The following PDE8B variants were observed in gnomAD, a reference collection of about 807,000 sequenced individuals.
The protein encoded by PDE8B is high affinity cAMP-specific and IBMX-insensitive 3',5'-cyclic phosphodiesterase 8B.
In PDE8B, 26 loss-of-function variants were observed where a neutral mutation model predicts 101.3. The observed-to-expected ratio is 0.26, with a 90% CI of 0.19 to 0.36. The LOEUF (loss-of-function observed/expected upper bound fraction) is 0.36. Among genes scored for constraint, PDE8B ranks in the 10% least tolerant of loss-of-function variants. The pLI is 1.00. For synonymous variants in PDE8B, 424 were observed against 429.3 expected, an observed-to-expected ratio of 0.99 and a Z score of 0.15; for missense variants, 810 against 1,163.1, an observed-to-expected ratio of 0.70 and a Z score of 4.42.
intron 1 of PDE8B, among the ~76,000 whole-genome samples, chr5:77,302,009 T>C (rs1186739568): frequency 2.6e-5 from 4 of 152,228 alleles, no homozygotes; most frequent in Non-Finnish European, 4.4e-5. Flanking sequence ...ACCATTTTTT[T>C]CTTTCCATTT....
the PDE8B span, among the ~76,000 whole-genome samples, chr5:77,176,132 T>C: frequency 6.6e-6 from 1 of 152,144 alleles, no homozygotes; most frequent in African/African-American, 2.4e-5. Context: ...CGGAAGCAGG[T>C]AGATTCCACT....
intron 10 of PDE8B, among the ~76,000 whole-genome samples, chr5:77,362,895 C>T (rs868858813): frequency 3.3e-5 from 5 of 152,198 alleles, no homozygotes; most frequent in South Asian, 2.1e-4. Flanking sequence ...TCCTCCTCCC[C>T]GCTGTGGAGT....
chr5:77,348,684 CGTTT>C (rs1018201318), intron 7 of PDE8B, among the ~76,000 whole-genome samples: 1 of 152,056 alleles, frequency 6.6e-6, no homozygotes, highest in African/African-American at 2.4e-5. Context: ...CTTATTTGTT[CGTTT>C]GTTTGTTTAT....
chr5:77,229,936 A>C (rs1753202402), intron 1 of PDE8B, among the ~76,000 whole-genome samples: 1 of 152,106 alleles, frequency 6.6e-6, no homozygotes, highest in Admixed American at 6.5e-5. Flanking sequence ...ATGTGGTTTT[A>C]TTTCTATTGG....
At chr5:77,176,372 C>G in the PDE8B span, among the ~76,000 whole-genome samples, 2 of 152,066 alleles carry the variant, frequency 1.3e-5, no homozygotes, top group African/African-American at 4.8e-5. Context: ...TTTAGAGGCA[C>G]AAAGAGTTAC....
intron 1 of PDE8B, among the ~76,000 whole-genome samples, chr5:77,265,460 C>T (rs1761504037): frequency 1.3e-5 from 2 of 152,068 alleles, no homozygotes; most frequent in Admixed American, 1.3e-4. Flanking sequence ...GTGCTCTTTC[C>T]AATGTTTGTT....
rs71594634 is a variant in PDE8B at position 77,423,632 on chromosome 5, G to GTTTTTTTTTTTTTTTTTTTTTTTTTTTT, written c.2418+1671_2418+1672insTTTTTTTTTTTTTTTTTTTTTTTTTTTT. 4.9e-4 allele frequency among the ~76,000 whole-genome samples: 36 copies of GTTTTTTTTTTTTTTTTTTTTTTTTTTTT among 74,048 alleles called. 3 individuals are homozygous for GTTTTTTTTTTTTTTTTTTTTTTTTTTTT. The highest frequency in any genetic ancestry group is 8.1e-4 in the Non-Finnish European group (31 of 38,410). The allele number at this position is 74,048 out of a possible 152,430, so 48.6% of individuals were successfully genotyped here. ...TGATGCTGGACTTTTGTTTTGTTTA[G>GTTTTTTTTTTTTTTTTTTTTTTTTTTTT]TTTTTTTTTTTTTTTTTTTTTTTTT... On this transcript the variant is annotated intron_variant, in intron 20 of 21. Transcript: ENST00000264917.
At chr5:77,109,676 A>G in the PDE8B span, among the ~76,000 whole-genome samples, 1 of 152,330 alleles carries the variant, frequency 6.6e-6, no homozygotes, top group East Asian at 1.9e-4. Context: ...GTACAACACC[A>G]GAGGTGAGAG....
chr5:77,401,008 T>C (rs1792153108), intron 11 of PDE8B, among the ~76,000 whole-genome samples: 1 of 152,212 alleles, frequency 6.6e-6, no homozygotes. Context: ...TAGTCTCTCT[T>C]CTTGGTGAGG....
At chr5:77,245,001 C>G (rs1044808100) in intron 1 of PDE8B, among the ~76,000 whole-genome samples, 1 of 152,148 alleles carries the variant, frequency 6.6e-6, no homozygotes, top group African/African-American at 2.4e-5. Flanking sequence ...GCCACAGATT[C>G]CAGTGAATGT....
intron 10 of PDE8B, among the ~76,000 whole-genome samples, chr5:77,387,434 G>A (rs1237672972): frequency 2.6e-5 from 4 of 152,266 alleles, no homozygotes; most frequent in East Asian, 1.9e-4. Flanking sequence ...AGAGATATCT[G>A]CCGTTACTCT....
chr5:77,267,432 T>A (rs187225773), intron 1 of PDE8B, among the ~76,000 whole-genome samples: 11 of 143,404 alleles, frequency 7.7e-5, no homozygotes, highest in Admixed American at 5.6e-4. Flanking sequence ...AGAGCGAGAC[T>A]CCATCTCAAA....
chr5:77,408,574 A>G (rs1212529892), intron 13 of PDE8B, among the ~76,000 whole-genome samples: 2 of 152,118 alleles, frequency 1.3e-5, no homozygotes, highest in African/African-American at 2.4e-5. Flanking sequence ...TGGAGACAAA[A>G]TATCATTTCT....
intron 1 of PDE8B, among the ~76,000 whole-genome samples, chr5:77,253,604 A>G (rs899088380): frequency 3.3e-5 from 5 of 152,334 alleles, no homozygotes; most frequent in Middle Eastern, 3.4e-3. Flanking sequence ...CTTATAGTGA[A>G]CATAATTCTC....
chr5:77,199,566 A>G, the PDE8B span, among the ~76,000 whole-genome samples: 5 of 152,200 alleles, frequency 3.3e-5, no homozygotes, highest in Non-Finnish European at 5.9e-5. Flanking sequence ...CTTGTCTTTT[A>G]GATCTCCATG....
intron 1 of PDE8B, among the ~76,000 whole-genome samples, chr5:77,218,515 C>T (rs967782815): frequency 6.6e-6 from 1 of 152,182 alleles, no homozygotes. Flanking sequence ...GCCTGAAGCC[C>T]TAAGTGTGGC....
intron 1 of PDE8B, among the ~76,000 whole-genome samples, chr5:77,228,879 G>T (rs1752972381): frequency 6.6e-6 from 1 of 152,158 alleles, no homozygotes; most frequent in African/African-American, 2.4e-5. Context: ...GATGAAGAGG[G>T]TCTGGATTAA....
chr5:77,294,256 C>T (rs1389586787), intron 1 of PDE8B, among the ~76,000 whole-genome samples: 5 of 152,092 alleles, frequency 3.3e-5, no homozygotes, highest in Non-Finnish European at 5.9e-5. Context: ...AAACCACTGA[C>T]CGTAACAAGG....
chr5:77,210,832 G>GGGTC lies in PDE8B; in HGVS notation c.-94_-93insGGTC. The GGGTC allele has an allele frequency of 1.0e-6, 1 of 997,298 alleles. No homozygotes were observed. The highest frequency in any genetic ancestry group is 1.2e-6 in the Non-Finnish European group (1 of 839,338). 61.8% of individuals were successfully genotyped at this position (997,298 alleles called of 1,614,324 possible). On this transcript the variant is annotated 5_prime_UTR_variant, in exon 1 of 22. Transcript: ENST00000264917. The surrounding 1 kb of genome is among the most constrained non-coding windows in gnomAD (Gnocchi z 4.9). Reference sequence around the variant, plus strand: ...CCGGGGGGCGCGCAGTCCGGGCGCCGCCGCGGCCGCCCCCTCACTGCAGGT... The same window carrying GGGTC: ...CCGGGGGGCGCGCAGTCCGGGCGCCGGGTCCCGCGGCCGCCCCCTCACTGCAGGT...
Sources: allele counts gnomAD v4.1 joint callset (sites outside exome capture counted in the v4.1 genomes callset), GRCh38; gene constraint gnomAD v4.1.1; non-coding constraint Gnocchi (gnomAD v3.1); transcripts MANE v1.5; gene names NCBI Gene and HGNC (gene_info 2026-07-23, HGNC 2026-07-21).